Variants in SPAG16 observed in about 807,000 individuals in gnomAD.
SPAG16 encodes the protein sperm-associated antigen 16 protein.
A neutral mutation model predicts 80.4 loss-of-function variants in SPAG16; 86 were observed. The ratio of observed to expected loss-of-function variants is 1.07; its 90% confidence interval spans 0.90 to 1.28. The LOEUF (loss-of-function observed/expected upper bound fraction) is 1.28. Among genes scored for constraint, SPAG16 ranks in the 50% most tolerant of loss-of-function variants. The pLI, the probability that SPAG16 is intolerant of heterozygous loss-of-function variation, is 0.00. For synonymous variants in SPAG16, 294 were observed against 265.9 expected (o/e 1.11, Z -1.03); for missense variants, 870 against 765.3 (o/e 1.14, Z -1.61).
intron 12 of SPAG16, among the ~76,000 whole-genome samples, chr2:213,956,721 G>T (rs1255366340): frequency 2.0e-5 from 3 of 152,032 alleles, no homozygotes; most frequent in African/African-American, 7.2e-5. Flanking sequence ...AAATTGCTGG[G>T]ATTACAGGTG....
intron 15 of SPAG16, among the ~76,000 whole-genome samples, chr2:214,292,044 T>G (rs1333056025): frequency 6.6e-6 from 1 of 151,564 alleles, no homozygotes; most frequent in East Asian, 1.9e-4. Flanking sequence ...GGGAAGTTTG[T>G]TTTTTTTTAA....
intron 15 of SPAG16, among the ~76,000 whole-genome samples, chr2:214,257,966 CAAAT>C (rs1358722640): frequency 2.6e-5 from 4 of 152,042 alleles, no homozygotes; most frequent in Non-Finnish European, 5.9e-5. Context: ...ATTTTGATAA[CAAAT>C]GAATATATAA....
chr2:213,924,548 G>A (rs1440215472), intron 11 of SPAG16, among the ~76,000 whole-genome samples: 1 of 152,198 alleles, frequency 6.6e-6, no homozygotes, highest in Admixed American at 6.5e-5. Context: ...CTCTGTGAGA[G>A]CAGCACATAC....
At chr2:213,842,815 G>A (rs2074427481) in intron 10 of SPAG16, among the ~76,000 whole-genome samples, 1 of 152,108 alleles carries the variant, frequency 6.6e-6, no homozygotes, top group Non-Finnish European at 1.5e-5. Context: ...CACCCAGGAT[G>A]GAGTGTAGTG....
chr2:214,294,553 C>G (rs1694006829), intron 15 of SPAG16, among the ~76,000 whole-genome samples: 2 of 152,182 alleles, frequency 1.3e-5, no homozygotes, highest in Non-Finnish European at 2.9e-5. Context: ...GAAATGCCAA[C>G]TGTACTTATT....
intron 8 of SPAG16, 35 bp from the exon 9 acceptor site, chr2:213,374,975 T>C (rs1256389208): frequency 6.9e-7 from 1 of 1,458,258 alleles, no homozygotes; most frequent in Non-Finnish European, 9.4e-7. Flanking sequence ...CGATAAACAG[T>C]GCAAATATTA....
At chr2:213,966,657 A>G (rs2044725154) in intron 12 of SPAG16, among the ~76,000 whole-genome samples, 1 of 152,198 alleles carries the variant, frequency 6.6e-6, no homozygotes, top group Non-Finnish European at 1.5e-5. Flanking sequence ...TATGGTATAC[A>G]TATATGTCTA....
intron 10 of SPAG16, among the ~76,000 whole-genome samples, chr2:213,714,328 C>T (rs2066136440): frequency 6.6e-6 from 1 of 152,198 alleles, no homozygotes; most frequent in African/African-American, 2.4e-5. Flanking sequence ...AAGCTTTAAA[C>T]ACCTGTCACA....
chr2:214,018,054 T>C (rs1184833165), intron 13 of SPAG16, among the ~76,000 whole-genome samples: 1 of 152,076 alleles, frequency 6.6e-6, no homozygotes, highest in African/African-American at 2.4e-5. Flanking sequence ...AATTGATAGC[T>C]ATGTACTGTA....
chr2:213,398,929 G>A (rs2068179797), intron 9 of SPAG16, among the ~76,000 whole-genome samples: 1 of 152,098 alleles, frequency 6.6e-6, no homozygotes, highest in Non-Finnish European at 1.5e-5. Flanking sequence ...TAAAAAATGT[G>A]TTTTGTTAGT....
At chr2:213,641,191 G>A (rs1452688082) in intron 10 of SPAG16, among the ~76,000 whole-genome samples, 2 of 152,160 alleles carry the variant, frequency 1.3e-5, no homozygotes, top group African/African-American at 4.8e-5. Flanking sequence ...TGCCTCTGAT[G>A]TGTCATACAG....
intron 15 of SPAG16, among the ~76,000 whole-genome samples, chr2:214,278,238 A>G (rs561638711): frequency 1.3e-5 from 2 of 152,284 alleles, no homozygotes; most frequent in African/African-American, 4.8e-5. Context: ...TACCTTGGCT[A>G]GGAAAGGGAA....
chr2:214,239,950 G>A (rs1349269040), intron 15 of SPAG16: 1 of 152,086 alleles, frequency 6.6e-6, no homozygotes, highest in East Asian at 1.9e-4. Flanking sequence ...CCTAAAAATA[G>A]TAGGAAATGT....
At chr2:213,359,627 G>A (rs2065865241) in intron 7 of SPAG16, among the ~76,000 whole-genome samples, 1 of 152,210 alleles carries the variant, frequency 6.6e-6, no homozygotes, top group Non-Finnish European at 1.5e-5. Context: ...TAAGACCATG[G>A]GAAAAGTGCA....
At chr2:213,539,089 C>A (rs2076342992) in intron 10 of SPAG16, among the ~76,000 whole-genome samples, 1 of 152,122 alleles carries the variant, frequency 6.6e-6, no homozygotes, top group African/African-American at 2.4e-5. Context: ...GATTTGCCTT[C>A]TTGTGCTTTC....
chr2:214,242,985 A>G (rs1293722605), intron 15 of SPAG16, among the ~76,000 whole-genome samples: 3 of 152,146 alleles, frequency 2.0e-5, no homozygotes, highest in Non-Finnish European at 4.4e-5. Context: ...ACTTGGGAAA[A>G]TCAATAATTG....
chr2:214,219,878 T>A (rs2058521080), intron 15 of SPAG16, among the ~76,000 whole-genome samples: 1 of 152,158 alleles, frequency 6.6e-6, no homozygotes, highest in African/African-American at 2.4e-5. Context: ...TACTGTTAAC[T>A]GATGATGGAA....
chr2:214,088,664 A>C (rs1355920840), intron 13 of SPAG16, among the ~76,000 whole-genome samples: 2 of 152,066 alleles, frequency 1.3e-5, no homozygotes, highest in Admixed American at 1.3e-4. Context: ...AAAATCAGAA[A>C]ACAAGTAGAA....
chr2:214,004,787 C>A (rs967101560), intron 12 of SPAG16, among the ~76,000 whole-genome samples: 1 of 151,928 alleles, frequency 6.6e-6, no homozygotes, highest in Non-Finnish European at 1.5e-5. Context: ...ATTTCATGTT[C>A]GCTGACAGCC....
Sources: gnomAD v4.1 joint callset for allele counts (sites outside exome capture counted in the v4.1 genomes callset) on GRCh38, gnomAD v4.1.1 for gene constraint, MANE v1.5 for transcripts, NCBI Gene and HGNC (gene_info 2026-07-23, HGNC 2026-07-21) for gene names.